The following PDE1C variants were observed in gnomAD, a reference collection of about 807,000 sequenced individuals.
PDE1C encodes the protein dual specificity calcium/calmodulin-dependent 3',5'-cyclic nucleotide phosphodiesterase 1C.
PDE1C carries 62 observed loss-of-function variants against 93.1 expected under a neutral mutation model. The ratio of observed to expected loss-of-function variants is 0.67; its 90% confidence interval spans 0.54 to 0.82. The LOEUF is 0.82. Ranked by LOEUF, PDE1C falls within the 40% of genes least tolerant of loss-of-function variation. PDE1C has a pLI of 0.00. For synonymous variants in PDE1C, 325 were observed against 310.1 expected (o/e 1.05, Z -0.50); for missense variants, 742 against 884.6 (o/e 0.84, Z 2.04).
chr7:31,664,590 T>C, the PDE1C span, among the ~76,000 whole-genome samples: 1 of 152,236 alleles, frequency 6.6e-6, no homozygotes, highest in African/African-American at 2.4e-5. Flanking sequence ...ACAATTAAGA[T>C]GCAGTACCTG....
At chr7:31,972,100 C>G (rs901997424) in intron 2 of PDE1C, among the ~76,000 whole-genome samples, 4 of 152,188 alleles carry the variant, frequency 2.6e-5, no homozygotes, top group Admixed American at 6.5e-5. Context: ...AAGGACCCAG[C>G]AACCTCTATG....
chr7:32,167,329 G>A (rs987946940), intron 3 of PDE1C, among the ~76,000 whole-genome samples: 3 of 152,240 alleles, frequency 2.0e-5, no homozygotes, highest in South Asian at 4.1e-4. Flanking sequence ...CGGGAAAAGT[G>A]GAATTAAGTA....
intron 1 of PDE1C, among the ~76,000 whole-genome samples, chr7:32,387,672 CG>C (rs1784661549): frequency 1.5e-5 from 2 of 134,894 alleles, no homozygotes; most frequent in African/African-American, 5.7e-5. Flanking sequence ...GCTGGCCGGG[CG>C]GGGGGCTGAC....
intron 15 of PDE1C, among the ~76,000 whole-genome samples, chr7:31,814,075 T>A (rs1469678001): frequency 1.4e-4 from 20 of 143,662 alleles, no homozygotes; most frequent in Non-Finnish European, 2.3e-4. Flanking sequence ...CGCGTGCATA[T>A]ATATGTACAC....
At chr7:32,308,098 G>C (rs1055365068) in intron 1 of PDE1C, among the ~76,000 whole-genome samples, 2 of 152,262 alleles carry the variant, frequency 1.3e-5, no homozygotes, top group Non-Finnish European at 2.9e-5. Flanking sequence ...ACATGGCTCA[G>C]AGGGTCCAAC....
chr7:32,274,174 T>A (rs570199640), intron 1 of PDE1C, among the ~76,000 whole-genome samples: 1 of 152,090 alleles, frequency 6.6e-6, no homozygotes, highest in East Asian at 1.9e-4. Flanking sequence ...AACCCCAATA[T>A]GGATATAATG....
intron 1 of PDE1C, among the ~76,000 whole-genome samples, chr7:32,251,647 G>A (rs1221153923): frequency 2.0e-5 from 3 of 152,058 alleles, no homozygotes; most frequent in Admixed American, 2.0e-4. Flanking sequence ...CCCTGCACCT[G>A]CACAGTGCCT....
chr7:31,770,215 T>G, intron 17 of PDE1C, among the ~76,000 whole-genome samples: 1 of 152,330 alleles, frequency 6.6e-6, no homozygotes, highest in East Asian at 1.9e-4. Flanking sequence ...TGGAGAAATG[T>G]TTGTTCAAAT....
At chr7:31,973,219 C>A (rs1811201725) in intron 2 of PDE1C, among the ~76,000 whole-genome samples, 1 of 151,996 alleles carries the variant, frequency 6.6e-6, no homozygotes, top group Admixed American at 6.6e-5. Context: ...ACCTGTGGGG[C>A]AGAAACAAAA....
intron 2 of PDE1C, among the ~76,000 whole-genome samples, chr7:31,923,226 T>C (rs1802856469): frequency 6.6e-6 from 1 of 152,114 alleles, no homozygotes; most frequent in Non-Finnish European, 1.5e-5. Flanking sequence ...TTGGACTGAG[T>C]TGCTTCTCAC....
At chr7:31,942,879 A>T (rs1806043094) in intron 2 of PDE1C, among the ~76,000 whole-genome samples, 1 of 152,180 alleles carries the variant, frequency 6.6e-6, no homozygotes, top group South Asian at 2.1e-4. Context: ...TTCTGCTGAT[A>T]AGTCAAAGAA....
the PDE1C span, among the ~76,000 whole-genome samples, chr7:31,618,394 A>G: frequency 6.6e-6 from 1 of 152,158 alleles, no homozygotes; most frequent in Non-Finnish European, 1.5e-5. Context: ...ACCACTACTA[A>G]TTAGGCTATT....
At chr7:32,000,621 G>A (rs1785333696) in intron 2 of PDE1C, among the ~76,000 whole-genome samples, 1 of 152,160 alleles carries the variant, frequency 6.6e-6, no homozygotes, top group Non-Finnish European at 1.5e-5. Flanking sequence ...AGCCAGAGGA[G>A]TGGAAATCGG....
chr7:32,211,979 T>C (rs1806067258), intron 1 of PDE1C, among the ~76,000 whole-genome samples: 1 of 126,786 alleles, frequency 7.9e-6, no homozygotes, highest in South Asian at 2.4e-4. Flanking sequence ...TGAGCTGTGA[T>C]CAAACCACTG....
At chr7:32,235,723 A>G (rs1008263036) in intron 1 of PDE1C, among the ~76,000 whole-genome samples, 1 of 152,120 alleles carries the variant, frequency 6.6e-6, no homozygotes, top group Non-Finnish European at 1.5e-5. Flanking sequence ...GACATCAATT[A>G]TCCAGAAACT....
chr7:32,321,104 A>C (rs1488513269), intron 1 of PDE1C, among the ~76,000 whole-genome samples: 1 of 152,212 alleles, frequency 6.6e-6, no homozygotes, highest in Non-Finnish European at 1.5e-5. Flanking sequence ...TCAGCTGAAG[A>C]ACAATCGCTC....
intron 7 of PDE1C, among the ~76,000 whole-genome samples, chr7:31,852,832 T>A (rs142879590): frequency 1.3e-5 from 2 of 150,236 alleles, no homozygotes; most frequent in Middle Eastern, 6.8e-3. Context: ...CTTGATATTA[T>A]CCATACATAT....
At chr7:31,867,908 C>G (rs1795494232) in intron 6 of PDE1C, among the ~76,000 whole-genome samples, 1 of 152,320 alleles carries the variant, frequency 6.6e-6, no homozygotes, top group African/African-American at 2.4e-5. Context: ...ACACTCTAAG[C>G]TACTGAAGAA....
At chr7:31,960,025 A>G (rs1056983660) in intron 2 of PDE1C, among the ~76,000 whole-genome samples, 3 of 101,906 alleles carry the variant, frequency 2.9e-5, no homozygotes, top group African/African-American at 9.5e-5. Context: ...ACCATCACGC[A>G]CAGCTATTTT....
Sources: allele counts gnomAD v4.1 joint callset (sites outside exome capture counted in the v4.1 genomes callset), GRCh38; gene constraint gnomAD v4.1.1; transcripts MANE v1.5; gene names NCBI Gene and HGNC (gene_info 2026-07-23, HGNC 2026-07-21).